The following COLGALT2 variants were observed in gnomAD, a reference collection of about 807,000 sequenced individuals.
COLGALT2 encodes collagen beta(1-O)galactosyltransferase 2.
Under a neutral mutation model 73.4 loss-of-function variants are expected in COLGALT2, and 49 were observed. The ratio of observed to expected loss-of-function variants is 0.67; its 90% confidence interval spans 0.53 to 0.85. The LOEUF is 0.85. COLGALT2 is among the 40% of genes least tolerant of loss of function. The pLI, the probability that COLGALT2 is intolerant of heterozygous loss-of-function variation, is 0.00. For missense variants in COLGALT2, 722 were observed against 790.2 expected (o/e 0.91, Z 1.03); for synonymous variants, 295 against 307.6 (o/e 0.96, Z 0.43).
intron 1 of COLGALT2, among the ~76,000 whole-genome samples, chr1:184,007,530 CTG>C (rs1672118057): frequency 6.6e-6 from 1 of 151,984 alleles, no homozygotes; most frequent in East Asian, 1.9e-4. Flanking sequence ...ATAATGGAAA[CTG>C]AAGTAATTTT....
chr1:183,977,013 A>G (rs1264374165), intron 2 of COLGALT2, among the ~76,000 whole-genome samples: 1 of 152,222 alleles, frequency 6.6e-6, no homozygotes, highest in Non-Finnish European at 1.5e-5. Flanking sequence ...TGCTAAATTC[A>G]TGGAATTTTA....
intron 1 of COLGALT2, among the ~76,000 whole-genome samples, chr1:184,016,749 AATT>A (rs1649015713): frequency 6.6e-6 from 1 of 152,224 alleles, no homozygotes; most frequent in Admixed American, 6.5e-5. Flanking sequence ...TGAGAAAAGA[AATT>A]ATAATATTTT....
intron 1 of COLGALT2, among the ~76,000 whole-genome samples, chr1:184,024,423 G>A (rs1374244904): frequency 5.3e-5 from 8 of 151,320 alleles, no homozygotes; most frequent in Non-Finnish European, 1.2e-4. Flanking sequence ...CATGATCTCG[G>A]CTCACTGCAA....
At position 183,940,851 on chromosome 1, in the gene COLGALT2, C is replaced by T. The variant is rs868710361; in HGVS notation, c.1398-64G>A. On this transcript the variant is annotated intron_variant, in intron 10 of 11. Coordinates refer to ENST00000361927, the MANE Select transcript of COLGALT2 (RefSeq NM_015101.4). ...CTATTATGCCATGATAAGGATGAAG[C>T]ACAGCTTTGGTTTACATAGATACCT... is the stretch of plus-strand genomic sequence containing the variant. 24 of 1,398,922 alleles carry T rather than the reference C, an allele frequency of 1.7e-5. No individual in the cohort carries two copies. The South Asian group carries it at 2.4e-4, about 14-fold the overall frequency. The allele number at this position is 1,398,922 out of a possible 1,614,324, so 86.7% of individuals were successfully genotyped here.
intron 1 of COLGALT2, among the ~76,000 whole-genome samples, chr1:184,005,026 G>C (rs919950372): frequency 6.6e-6 from 1 of 152,168 alleles, no homozygotes; most frequent in African/African-American, 2.4e-5. Flanking sequence ...TAGAAACTGG[G>C]GCCAGGAGGC....
chr1:183,935,910 T>C lies in COLGALT2; in HGVS notation c.*2851A>G, dbSNP rs1355602784. The stretch of plus-strand genomic sequence containing the variant: ...AGTTTATCACTTCCCCACTCTGAAA[T>C]AGCACGCAAGACAGATGATGCAGGG... On this transcript the variant is annotated 3_prime_UTR_variant, in exon 12 of 12. Coordinates refer to ENST00000361927, the MANE Select transcript of COLGALT2 (RefSeq NM_015101.4). 2.0e-6 allele frequency: 2 copies of C among 985,284 alleles called. No homozygotes were observed. The highest frequency in any genetic ancestry group is 2.4e-6 in the Non-Finnish European group (2 of 829,942). 61.0% of individuals were successfully genotyped at this position (985,284 alleles called of 1,614,324 possible).
intron 7 of COLGALT2, among the ~76,000 whole-genome samples, chr1:183,953,968 T>A (rs1042353826): frequency 1.3e-5 from 2 of 152,194 alleles, no homozygotes; most frequent in Non-Finnish European, 2.9e-5. Context: ...CGAAGCCTGA[T>A]CTGTTACATA....
intron 4 of COLGALT2, among the ~76,000 whole-genome samples, chr1:183,970,732 T>C (rs528906215): frequency 1.3e-5 from 2 of 152,326 alleles, no homozygotes; most frequent in South Asian, 2.1e-4. Flanking sequence ...GTCAATCTCA[T>C]AGAGCTGCAG....
chr1:183,982,869 C>T (rs1048617914), intron 1 of COLGALT2, among the ~76,000 whole-genome samples: 1 of 152,236 alleles, frequency 6.6e-6, no homozygotes, highest in African/African-American at 2.4e-5. Flanking sequence ...TTCTTCATTA[C>T]ACAGGACTTC....
intron 1 of COLGALT2, among the ~76,000 whole-genome samples, chr1:183,999,518 G>C (rs1671859024): frequency 6.6e-6 from 1 of 152,010 alleles, no homozygotes; most frequent in African/African-American, 2.4e-5. Context: ...CACTCAATGA[G>C]TATATATAAT....
chr1:183,937,452 A>G lies in COLGALT2; in HGVS notation c.*1309T>C. The G allele has an allele frequency of 2.0e-6, 2 of 986,052 alleles. No homozygotes were observed. The highest frequency in any genetic ancestry group is 2.4e-6 in the Non-Finnish European group (2 of 830,356). 61.1% of individuals were successfully genotyped at this position (986,052 alleles called of 1,614,324 possible). A position where few individuals can be genotyped will look rare whatever the true frequency, so the allele number is the denominator to read the frequency against. ...TGTGAAGAAAGCAGAAAGGACTCTT[A>G]GGGGATATCTTTTGAGAAAGGGTGT... is the stretch of plus-strand genomic sequence containing the variant. On this transcript the variant is annotated 3_prime_UTR_variant, in exon 12 of 12. Transcript: ENST00000361927.
At chr1:183,975,994 A>T (rs1671179426) in intron 2 of COLGALT2, among the ~76,000 whole-genome samples, 2 of 152,252 alleles carry the variant, frequency 1.3e-5, no homozygotes, top group Admixed American at 1.3e-4. Flanking sequence ...AAATAAGGTT[A>T]ATAAAACTAT....
chr1:184,006,014 ACCAGTTTCTTTCC>A (rs1672064490), intron 1 of COLGALT2, among the ~76,000 whole-genome samples: 1 of 152,136 alleles, frequency 6.6e-6, no homozygotes, highest in Non-Finnish European at 1.5e-5. Context: ...CCATCTTCAT[ACCAGTTTCTTTCC>A]CCATCCTGCT....
chr1:183,989,880 C>T (rs539529006), intron 1 of COLGALT2, among the ~76,000 whole-genome samples: 1 of 152,304 alleles, frequency 6.6e-6, no homozygotes, highest in African/African-American at 2.4e-5. Flanking sequence ...GAGCCAACAG[C>T]ATGTGAAGGA....
chr1:183,939,099 C>T, intron 11 of COLGALT2, 62 bp from the exon 12 acceptor site: 1 of 1,311,362 alleles, frequency 7.6e-7, no homozygotes, highest in Admixed American at 1.9e-5. Flanking sequence ...GGAACAGGGA[C>T]AAAGAGTGAA....
In COLGALT2 at chr1:183,938,554, C is replaced by A. The variant is rs547725115; in HGVS notation, c.*207G>T. 3 of 1,410,962 alleles carry A rather than the reference C, an allele frequency of 2.1e-6. No homozygotes were observed. Among genetic ancestry groups the A allele is most frequent in the Non-Finnish European group, 1.8e-6 (2 of 1,086,036 alleles). 87.4% of individuals were successfully genotyped at this position (1,410,962 alleles called of 1,614,324 possible). The stretch of plus-strand genomic sequence containing the variant: ...GTTTCCAAAAAACCTGTCTTTCAGC[C>A]GTCTTGGGAAATTTGGGTTGAATTT... On this transcript the variant is annotated 3_prime_UTR_variant, in exon 12 of 12. Coordinates refer to ENST00000361927, the MANE Select transcript of COLGALT2 (RefSeq NM_015101.4).
At chr1:183,953,456 T>C (rs1235957252) in intron 7 of COLGALT2, among the ~76,000 whole-genome samples, 1 of 152,168 alleles carries the variant, frequency 6.6e-6, no homozygotes, top group Non-Finnish European at 1.5e-5. Flanking sequence ...TGGTTTTGTC[T>C]TATTTTATTT....
At chr1:184,023,185 T>C (rs946957381) in intron 1 of COLGALT2, among the ~76,000 whole-genome samples, 12 of 152,216 alleles carry the variant, frequency 7.9e-5, no homozygotes, top group African/African-American at 2.7e-4. Flanking sequence ...ATTTTGACTT[T>C]TCTGTAGCAT....
intron 6 of COLGALT2, among the ~76,000 whole-genome samples, chr1:183,955,438 G>A (rs1670526433): frequency 1.3e-5 from 2 of 151,960 alleles, no homozygotes; most frequent in African/African-American, 4.8e-5. Context: ...ATCCCACCTG[G>A]GCAGGTTTAG....
Sources: allele counts gnomAD v4.1 joint callset (sites outside exome capture counted in the v4.1 genomes callset), GRCh38; gene constraint gnomAD v4.1.1; transcripts MANE v1.5; gene names NCBI Gene and HGNC (gene_info 2026-07-23, HGNC 2026-07-21).